The following STK31 variants were observed in gnomAD, a reference collection of about 807,000 sequenced individuals.
STK31 encodes the protein serine/threonine-protein kinase 31.
STK31 carries 89 observed loss-of-function variants against 129.7 expected under a neutral mutation model. The observed-to-expected ratio is 0.69, with a 90% CI of 0.58 to 0.82. The LOEUF is 0.82. Among genes scored for constraint, STK31 ranks in the 40% least tolerant of loss-of-function variants. The pLI is 0.00. For synonymous variants in STK31, 448 were observed against 395.3 expected, an observed-to-expected ratio of 1.13 and a Z score of -1.58; for missense variants, 1,187 against 1,176.4, an observed-to-expected ratio of 1.01 and a Z score of -0.13.
chr7:23,747,470 C>T (rs143448723), intron 8 of STK31, among the ~76,000 whole-genome samples: 144 of 152,128 alleles, frequency 9.5e-4, no homozygotes, highest in African/African-American at 3.0e-3. Context: ...CCTGGGTTCA[C>T]GCCATTCTCC....
intron 4 of STK31, among the ~76,000 whole-genome samples, chr7:23,720,718 C>A (rs1786641682): frequency 6.6e-6 from 1 of 152,096 alleles, no homozygotes; most frequent in African/African-American, 2.4e-5. Context: ...GCAAGAGATT[C>A]AAAAGCAGAA....
chr7:23,745,332 C>T (rs931008754), intron 8 of STK31, among the ~76,000 whole-genome samples: 7 of 152,206 alleles, frequency 4.6e-5, no homozygotes, highest in East Asian at 1.9e-4. Context: ...ACTCTGATTG[C>T]GGTAGGCAGG....
Position 23,727,556 on chromosome 7 carries a change from C to CTTTTTT in STK31, c.324+260_324+265dup, listed in dbSNP as rs58066410. On this transcript the variant is annotated intron_variant, in intron 5 of 23. Transcript: ENST00000355870. The stretch of plus-strand genomic sequence containing the variant: ...GTGACTAGTTATTTTTACCTCAGTT[C>CTTTTTT]TTTTTTTTTTTTTTTTTTTTTTTTG... The CTTTTTT allele has an allele frequency of 4.4e-4, 61 of 137,422 alleles. 1 individual carries two copies. Among genetic ancestry groups the CTTTTTT allele is most frequent in the African/African-American group, 1.4e-3 (24 of 17,468 alleles). 8.5% of individuals were successfully genotyped at this position (137,422 alleles called of 1,614,324 possible). A position where few individuals can be genotyped will look rare whatever the true frequency, so the allele number is the denominator to read the frequency against.
chr7:23,740,466 A>G (rs1429075733), intron 8 of STK31, among the ~76,000 whole-genome samples: 1 of 152,182 alleles, frequency 6.6e-6, no homozygotes, highest in Non-Finnish European at 1.5e-5. Context: ...GTCTGCAAGC[A>G]TGTTTTCATC....
chr7:23,781,459 A>G lies in STK31; in HGVS notation c.2006A>G (p.Glu669Gly). 1 of 1,611,778 alleles carries G rather than the reference A, an allele frequency of 6.2e-7. No homozygotes were observed. The highest frequency in any genetic ancestry group is 8.5e-7 in the Non-Finnish European group (1 of 1,179,158). Reference sequence around the variant, plus strand: ...GGCTCTCAAATTGAGAAAATAAAAGAAGAAATAACTCAGCTGCGCAATAAT... The same window carrying G: ...GGCTCTCAAATTGAGAAAATAAAAGGAGAAATAACTCAGCTGCGCAATAAT... Reference protein sequence around the residue: ...PDGSQIEKIKEEITQLRNNVF... With the variant: ...PDGSQIEKIKGEITQLRNNVF... The change falls in exon 16 of 24, where the codon GAA (glutamate) becomes GGA (glycine). Residue 669 changes from glutamate to glycine, a missense_variant. Transcript: ENST00000355870.
chr7:23,791,777 G>A (rs1791634048), intron 22 of STK31, among the ~76,000 whole-genome samples: 1 of 152,152 alleles, frequency 6.6e-6, no homozygotes, highest in Admixed American at 6.6e-5. Flanking sequence ...CAAGAGTTAA[G>A]AGGGATTAAG....
chr7:23,710,997 C>T (rs1785920005), intron 1 of STK31, among the ~76,000 whole-genome samples: 2 of 152,096 alleles, frequency 1.3e-5, no homozygotes, highest in African/African-American at 4.8e-5. Flanking sequence ...ATTTTCATGC[C>T]ACTTACGAAA....
At chr7:23,767,856 A>G (rs532899637) in intron 11 of STK31, among the ~76,000 whole-genome samples, 10 of 152,226 alleles carry the variant, frequency 6.6e-5, no homozygotes, top group African/African-American at 2.2e-4. Flanking sequence ...AACACCAACC[A>G]TCCTCTGCCT....
chr7:23,710,331 G>A lies in STK31; in HGVS notation c.46G>A (p.Val16Met), dbSNP rs1340024795. The part of the protein sequence containing the change: ...HSSRASATES[V>M]SFSGIVQMDE... ...TTCTAGAGCTTCCGCAACGGAAAGTGTGAGGTCAGTAGTAGTTTTTGTGGT... is the reference window on the plus strand; with the variant it reads ...TTCTAGAGCTTCCGCAACGGAAAGTATGAGGTCAGTAGTAGTTTTTGTGGT... Residue 16 changes from valine to methionine, a missense_variant, in exon 1 of 24, where the codon GTG (valine) becomes ATG (methionine). Transcript: ENST00000355870. 6.2e-7 allele frequency: 1 copy of A among 1,613,522 alleles called. No homozygotes were observed. Among genetic ancestry groups the A allele is most frequent in the Admixed American group, 1.7e-5 (1 of 60,032 alleles).
At position 23,717,952 on chromosome 7, in the gene STK31, T is replaced by C. The variant is rs910985590; in HGVS notation, c.249+373T>C. On this transcript the variant is annotated intron_variant, in intron 4 of 23. Coordinates refer to ENST00000355870, the MANE Select transcript of STK31 (RefSeq NM_031414.5). ...GGGGAAGATTGAGGATGAGGAGTTATTGATTAATGGGTGTAGAGTTTCAGT... is the reference window on the plus strand; with the variant it reads ...GGGGAAGATTGAGGATGAGGAGTTACTGATTAATGGGTGTAGAGTTTCAGT... Among the ~76,000 whole-genome samples the C allele has an allele frequency of 5.3e-5, 8 of 152,042 alleles. No individual in the cohort carries two copies. The South Asian group carries it at 1.5e-3, about 28-fold the overall frequency.
In STK31 at chr7:23,832,288, G is replaced by A; in HGVS notation, c.2982G>A (p.Lys994=). ...EKDTEYTLYK[K]EEEIKTENLD... ...ATACTGAATACACCCTATATAAAAA[G>A]GAAGAAGAAATAAAGACGGAGAACT... The change falls in exon 24 of 24, where the codon AAG becomes AAA. Residue 994 remains lysine (K), a synonymous_variant. Coordinates refer to ENST00000355870, the MANE Select transcript of STK31 (RefSeq NM_031414.5). The A allele has an allele frequency of 6.2e-7, 1 of 1,613,922 alleles. No homozygotes were observed. Among genetic ancestry groups the A allele is most frequent in the Non-Finnish European group, 8.5e-7 (1 of 1,179,954 alleles).
At chr7:23,758,959 A>AAAGAAAGC (rs1222234108) in intron 10 of STK31, among the ~76,000 whole-genome samples, 4 of 152,188 alleles carry the variant, frequency 2.6e-5, no homozygotes, top group Non-Finnish European at 5.9e-5. Context: ...TTACCAAACA[A>AAAGAAAGC]ATAGAAAGCA....
chr7:23,787,612 C>T lies in STK31; in HGVS notation c.2488-368C>T, dbSNP rs773806132. Among the ~76,000 whole-genome samples, 16 of 152,114 alleles carry T rather than the reference C, an allele frequency of 1.1e-4. No homozygotes were observed. The East Asian group carries it at 1.9e-3, about 18-fold the overall frequency. ...CTGTGCATGTGAGGGATCTAGGTTG[C>T]GCACTCCTTGTAAGAATCTAATGCC... On this transcript the variant is annotated intron_variant, in intron 20 of 23. Transcript: ENST00000355870.
chr7:23,736,860 C>A, intron 7 of STK31, 44 bp from the exon 8 acceptor site: 2 of 1,537,618 alleles, frequency 1.3e-6, no homozygotes, highest in Non-Finnish European at 1.8e-6. Context: ...CTGTGTCAGC[C>A]TTATACAGTT....
intron 15 of STK31, among the ~76,000 whole-genome samples, chr7:23,779,016 T>G (rs1471868868): frequency 6.6e-6 from 1 of 152,208 alleles, no homozygotes; most frequent in African/African-American, 2.4e-5. Flanking sequence ...GGATGTGTTT[T>G]TTTTTGTGTG....
chr7:23,781,547 A>G (rs773446472), intron 16 of STK31, 27 bp downstream of exon 16: 2 of 1,527,142 alleles, frequency 1.3e-6, no homozygotes, highest in Admixed American at 1.8e-5. Flanking sequence ...TTGAAGTTTT[A>G]CATTAGGTTT....
At chr7:23,808,169 A>ATAT (rs10643943) in intron 22 of STK31, among the ~76,000 whole-genome samples, 16 of 146,384 alleles carry the variant, frequency 1.1e-4, no homozygotes, top group Non-Finnish European at 1.2e-4. Flanking sequence ...ATATATATAT[A>ATAT]TTTTTTGTAG....
At position 23,769,681 on chromosome 7, in the gene STK31, C is replaced by T. The variant is rs768592589; in HGVS notation, c.1638C>T (p.Asp546=). 3.7e-5 allele frequency: 59 copies of T among 1,611,702 alleles called. No individual in the cohort carries two copies. The highest frequency in any genetic ancestry group is 3.3e-4 in the Middle Eastern group (2 of 6,076). The change falls in exon 13 of 24, where the codon GAC becomes GAT. Residue 546 remains aspartate (D), a synonymous_variant. Transcript: ENST00000355870. Reference sequence around the variant, plus strand: ...TGGAAGGATCACTGATTTCAGAAGACGCAATGGATAATATTGATGAAATCC... The same window carrying T: ...TGGAAGGATCACTGATTTCAGAAGATGCAATGGATAATATTGATGAAATCC... ...LSVEGSLISE[D]AMDNIDEILE...
chr7:23,791,649 T>C (rs1240505054), intron 22 of STK31, among the ~76,000 whole-genome samples: 10 of 152,222 alleles, frequency 6.6e-5, no homozygotes, highest in Non-Finnish European at 7.3e-5. Context: ...ATAAAAAGCT[T>C]GTTTCATGTT....
Sources: allele counts gnomAD v4.1 joint callset (sites outside exome capture counted in the v4.1 genomes callset), GRCh38; gene constraint gnomAD v4.1.1; transcripts MANE v1.5; gene names NCBI Gene and HGNC (gene_info 2026-07-23, HGNC 2026-07-21).